FGD3: variants seen among roughly 807,000 people sequenced by gnomAD.
The protein encoded by FGD3 is FYVE, RhoGEF and PH domain containing 3, also known as FYVE, RhoGEF and PH domain-containing protein 3.
A neutral mutation model predicts 71.8 loss-of-function variants in FGD3; 45 were observed. The ratio of observed to expected loss-of-function variants is 0.63; its 90% CI spans 0.49 to 0.80. FGD3 has a LOEUF of 0.80. FGD3 is among the 30% of genes least tolerant of loss of function. The probability of loss-of-function intolerance (pLI) is 0.00; values close to 1 mark genes in which losing one functional copy is unlikely to be tolerated. For synonymous variants in FGD3, 378 were observed against 392.8 expected (o/e 0.96, Z 0.44); for missense variants, 844 against 951.5 (o/e 0.89, Z 1.49).
At chr9:93,014,412 G>A (rs1042864185) in intron 9 of FGD3, among the ~76,000 whole-genome samples, 3 of 152,018 alleles carry the variant, frequency 2.0e-5, no homozygotes, top group African/African-American at 4.8e-5. Context: ...AGTGTAATTC[G>A]AGACCCCCCC....
intron 3 of FGD3, among the ~76,000 whole-genome samples, chr9:93,002,446 T>C (rs945026169): frequency 1.3e-5 from 2 of 152,142 alleles, no homozygotes; most frequent in African/African-American, 4.8e-5. Flanking sequence ...AAAAACTAGC[T>C]GGACATGGTG....
intron 1 of FGD3, among the ~76,000 whole-genome samples, chr9:92,956,855 T>G (rs982782780): frequency 1.3e-5 from 2 of 149,526 alleles, no homozygotes; most frequent in East Asian, 2.0e-4. Context: ...TTTTTTTTTT[T>G]GAAGACAGAG....
intron 3 of FGD3, among the ~76,000 whole-genome samples, chr9:92,982,688 A>G (rs114342178): frequency 0.02 from 2,995 of 151,874 alleles, 112 homozygotes; most frequent in African/African-American, 0.068. Context: ...TCAGCTCTCC[A>G]TAAGAGTCCT....
At chr9:92,975,801 C>G (rs922171881) in intron 2 of FGD3, among the ~76,000 whole-genome samples, 6 of 147,664 alleles carry the variant, frequency 4.1e-5, no homozygotes, top group African/African-American at 1.5e-4. Flanking sequence ...AGGAGGAGGA[C>G]ACCGGCCTCA....
At position 93,018,148 on chromosome 9, in the gene FGD3, G is replaced by A. The variant is rs778590186; in HGVS notation, c.1288G>A (p.Val430Ile). The A allele has an allele frequency of 2.3e-5, 37 of 1,613,974 alleles. No individual in the cohort carries two copies. The highest frequency in any genetic ancestry group is 6.7e-5 in the East Asian group (3 of 44,904). ...DISGLQVQDI[V>I]KPNTAHTFII... The stretch of plus-strand genomic sequence containing the variant: ...CTTGCCCCTTCAGGTGCAGGATATC[G>A]TCAAGCCAAACACAGCACATACATT... Residue 430 changes from valine to isoleucine, a missense_variant, in exon 11 of 18, where the codon GTC becomes ATC. Physicochemically the swap from Val to Ile is conservative, Grantham distance 29. Coordinates refer to ENST00000375482, the MANE Select transcript of FGD3 (RefSeq NM_001083536.2).
At chr9:92,975,891 G>A (rs1564146397) in intron 2 of FGD3, among the ~76,000 whole-genome samples, 1 of 152,202 alleles carries the variant, frequency 6.6e-6, no homozygotes, top group South Asian at 2.1e-4. Flanking sequence ...TTTGGTTATG[G>A]TCACTACCTT....
rs540754095 is a variant in FGD3, at chr9:92,983,327, C to G, written c.453+6618C>G. Reference sequence around the variant, plus strand: ...CATGAGGTCAGGAGATCAAGACCATCCTGACTAATATGGTGAAACCCCGTC... The same window carrying G: ...CATGAGGTCAGGAGATCAAGACCATGCTGACTAATATGGTGAAACCCCGTC... On this transcript the variant is annotated intron_variant, in intron 3 of 17. Transcript: ENST00000375482. Among the ~76,000 whole-genome samples the G allele has an allele frequency of 3.3e-5, 5 of 151,904 alleles. No homozygotes were observed. The South Asian group carries it at 1.0e-3, about 32-fold the overall frequency.
intron 10 of FGD3, 38 bp from the exon 11 acceptor site, chr9:93,018,098 G>C (rs376278391): frequency 5.8e-5 from 93 of 1,594,798 alleles, no homozygotes; most frequent in Non-Finnish European, 7.1e-5. Context: ...AAAATGACCA[G>C]CTTGGGTTTG....
At chr9:93,013,398 CT>C (rs1861519897) in intron 8 of FGD3, among the ~76,000 whole-genome samples, 1 of 152,218 alleles carries the variant, frequency 6.6e-6, no homozygotes, top group South Asian at 2.1e-4. Context: ...AGCTTTGACG[CT>C]GTCCCATCGC....
chr9:93,034,705 C>T (rs994920190), intron 17 of FGD3, 24 bp downstream of exon 17: 4 of 1,606,360 alleles, frequency 2.5e-6, no homozygotes, highest in East Asian at 2.3e-5. Context: ...CCCCACCAGG[C>T]CCTCAGGCCA....
intron 1 of FGD3, among the ~76,000 whole-genome samples, chr9:92,959,706 C>CAA (rs10658844): frequency 0.55 from 43,948 of 80,166 alleles, 11,258 homozygotes; most frequent in Middle Eastern, 0.68. Context: ...AACTCAGTCT[C>CAA]AAAAAAAAAA....
intron 1 of FGD3, among the ~76,000 whole-genome samples, chr9:92,958,469 A>G (rs1159874291): frequency 6.6e-6 from 1 of 152,206 alleles, no homozygotes; most frequent in Non-Finnish European, 1.5e-5. Flanking sequence ...CTGACACATC[A>G]TTATCACTTG....
At chr9:92,964,523 T>C (rs1564141724) in intron 1 of FGD3, among the ~76,000 whole-genome samples, 2 of 152,308 alleles carry the variant, frequency 1.3e-5, no homozygotes, top group East Asian at 3.9e-4. Flanking sequence ...TTTTGTTCTG[T>C]TGTCTTTCTC....
At chr9:93,019,889 C>G (rs1410216522) in intron 12 of FGD3, 28 bp downstream of exon 12, 2 of 1,612,762 alleles carry the variant, frequency 1.2e-6, no homozygotes, top group South Asian at 1.1e-5. Context: ...GTAAAGTAAC[C>G]AAATGACCAA....
At chr9:92,960,842 T>C (rs1382462440) in intron 1 of FGD3, among the ~76,000 whole-genome samples, 1 of 151,972 alleles carries the variant, frequency 6.6e-6, no homozygotes, top group African/African-American at 2.4e-5. Context: ...TAAGTGGGTG[T>C]TCCCCCTTGG....
At chr9:93,005,642 A>G (rs1299286900) in intron 5 of FGD3, among the ~76,000 whole-genome samples, 1 of 152,200 alleles carries the variant, frequency 6.6e-6, no homozygotes, top group East Asian at 1.9e-4. Context: ...CTTCACCAGC[A>G]TTGGATAGAA....
rs1321629574 is a variant in FGD3, at chr9:93,003,735, C to T, written c.544-266C>T. On this transcript the variant is annotated intron_variant, in intron 4 of 17. Coordinates refer to ENST00000375482, the MANE Select transcript of FGD3 (RefSeq NM_001083536.2). The surrounding 1 kb of genome is among the most constrained non-coding windows in gnomAD (Gnocchi z 4.1). ...ACCTTCCATTTCGCATGAGAGGTGGCTGAGGAAAGATGTCATTCCCTGTCC... is the reference window on the plus strand; with the variant it reads ...ACCTTCCATTTCGCATGAGAGGTGGTTGAGGAAAGATGTCATTCCCTGTCC... Among the ~76,000 whole-genome samples the T allele has an allele frequency of 1.3e-5, 2 of 152,212 alleles. No homozygotes were observed. Among genetic ancestry groups the T allele is most frequent in the African/African-American group, 4.8e-5 (2 of 41,446 alleles).
intron 1 of FGD3, among the ~76,000 whole-genome samples, chr9:92,973,770 C>A (rs977310957): frequency 9.9e-5 from 15 of 152,176 alleles, no homozygotes; most frequent in African/African-American, 2.9e-4. Context: ...ATGTGCTCTC[C>A]CCACCGCACA....
At chr9:93,017,959 A>G (rs1351897765) in intron 10 of FGD3, among the ~76,000 whole-genome samples, 177 bp from the exon 11 acceptor site, 1 of 152,194 alleles carries the variant, frequency 6.6e-6, no homozygotes, top group African/African-American at 2.4e-5. Flanking sequence ...CTGATGGACC[A>G]GCTCATGTAG....
Sources: allele counts gnomAD v4.1 joint callset (sites outside exome capture counted in the v4.1 genomes callset), GRCh38; gene constraint gnomAD v4.1.1; non-coding constraint Gnocchi (gnomAD v3.1); transcripts MANE v1.5; gene names NCBI Gene and HGNC (gene_info 2026-07-23, HGNC 2026-07-21).